The following ANKS1B variants were observed in gnomAD, a reference collection of about 807,000 sequenced individuals.
The protein encoded by ANKS1B is ankyrin repeat and sterile alpha motif domain-containing protein 1B.
ANKS1B carries 36 observed loss-of-function variants against 148.3 expected under a neutral mutation model. That is an observed-to-expected ratio of 0.24 (90% CI 0.19 to 0.32). The LOEUF (loss-of-function observed/expected upper bound fraction) is 0.32. Ranked by LOEUF, ANKS1B falls within the 10% of genes least tolerant of loss-of-function variation. ANKS1B has a pLI of 1.00. For synonymous variants in ANKS1B, 542 were observed against 560.8 expected, an observed-to-expected ratio of 0.97 and a Z score of 0.47; for missense variants, 1,157 against 1,542.6, an observed-to-expected ratio of 0.75 and a Z score of 4.19.
chr12:99,738,551 TCTGA>T (rs376783166), intron 8 of ANKS1B, among the ~76,000 whole-genome samples: 10 of 152,272 alleles, frequency 6.6e-5, no homozygotes, highest in Admixed American at 2.0e-4. Flanking sequence ...TCTAAATAAA[TCTGA>T]CTGACTTCTA....
intron 12 of ANKS1B, among the ~76,000 whole-genome samples, chr12:99,295,829 G>T (rs1193226511): frequency 1.3e-5 from 2 of 152,040 alleles, no homozygotes; most frequent in Admixed American, 1.3e-4. Context: ...TCATAATTTA[G>T]CTCCCACTTA....
At chr12:98,874,071 C>T (rs1174026608) in intron 17 of ANKS1B, among the ~76,000 whole-genome samples, 5 of 152,190 alleles carry the variant, frequency 3.3e-5, no homozygotes, top group Non-Finnish European at 5.9e-5. Context: ...ACTTTGACTA[C>T]TGTCCTCTAT....
At chr12:99,678,211 C>T (rs1343014020) in intron 8 of ANKS1B, among the ~76,000 whole-genome samples, 3 of 152,126 alleles carry the variant, frequency 2.0e-5, no homozygotes, top group Non-Finnish European at 4.4e-5. Context: ...AGCCCTAAGA[C>T]TATAGTTCTA....
chr12:99,896,577 G>C (rs1317071719), intron 1 of ANKS1B, among the ~76,000 whole-genome samples: 1 of 151,030 alleles, frequency 6.6e-6, no homozygotes, highest in Non-Finnish European at 1.5e-5. Context: ...AATATATAAA[G>C]AGCCATCTCT....
chr12:99,371,126 C>T (rs138892777), intron 12 of ANKS1B, among the ~76,000 whole-genome samples: 1 of 152,030 alleles, frequency 6.6e-6, no homozygotes, highest in East Asian at 1.9e-4. Context: ...GTCAAACTAC[C>T]CCTGCTTTTT....
At chr12:98,951,359 A>C (rs12307343) in intron 17 of ANKS1B, among the ~76,000 whole-genome samples, 1 of 152,068 alleles carries the variant, frequency 6.6e-6, no homozygotes, top group Non-Finnish European at 1.5e-5. Flanking sequence ...CAGTTTTCAT[A>C]GAACACTGCT....
chr12:99,273,776 G>A lies in ANKS1B; in HGVS notation c.1757-26912C>T, dbSNP rs547435161. Reference sequence around the variant, plus strand: ...TATTTTTTGTATTTTTAGTAGAGACGGAGTTTCACCATCTTGGCCAGGCTG... The same window carrying A: ...TATTTTTTGTATTTTTAGTAGAGACAGAGTTTCACCATCTTGGCCAGGCTG... On this transcript the variant is annotated intron_variant, in intron 12 of 26. Transcript: ENST00000683438. Among the ~76,000 whole-genome samples the A allele has an allele frequency of 8.1e-3, 1,232 of 151,310 alleles. 17 individuals carry two copies. The highest frequency in any genetic ancestry group is 0.028 in the African/African-American group (1,165 of 40,946).
At chr12:99,529,975 T>C (rs1164001686) in intron 9 of ANKS1B, among the ~76,000 whole-genome samples, 1 of 152,218 alleles carries the variant, frequency 6.6e-6, no homozygotes, top group Non-Finnish European at 1.5e-5. Context: ...ACTCTCTAAA[T>C]TATAGATAAG....
chr12:99,432,962 A>G (rs1324199967), intron 11 of ANKS1B, among the ~76,000 whole-genome samples: 1 of 152,188 alleles, frequency 6.6e-6, no homozygotes, highest in African/African-American at 2.4e-5. Context: ...ATGGGAAGAC[A>G]TTGGAAGGTT....
intron 12 of ANKS1B, among the ~76,000 whole-genome samples, chr12:99,320,223 A>T (rs2084977141): frequency 6.6e-6 from 1 of 152,100 alleles, no homozygotes; most frequent in South Asian, 2.1e-4. Context: ...TATCTCCTGA[A>T]TTTGAATGTT....
intron 17 of ANKS1B, among the ~76,000 whole-genome samples, chr12:98,898,661 A>G (rs1383664347): frequency 6.6e-6 from 1 of 152,174 alleles, no homozygotes; most frequent in Non-Finnish European, 1.5e-5. Flanking sequence ...GCTTAAAAAC[A>G]ATTTCCAATT....
intron 17 of ANKS1B, among the ~76,000 whole-genome samples, chr12:98,921,459 T>C (rs2099801325): frequency 6.6e-6 from 1 of 152,232 alleles, no homozygotes; most frequent in Admixed American, 6.5e-5. Flanking sequence ...CTACCTGATA[T>C]TAATCTTAAT....
intron 12 of ANKS1B, among the ~76,000 whole-genome samples, chr12:99,374,194 G>T (rs1021887959): frequency 2.0e-4 from 30 of 152,152 alleles, no homozygotes; most frequent in Non-Finnish European, 1.5e-5. Context: ...TGAATGGAAA[G>T]AATAGTACAG....
At position 99,978,942 on chromosome 12, in the gene ANKS1B, T is replaced by C. The variant is rs185268608; in HGVS notation, c.134+5162A>G. Among the ~76,000 whole-genome samples the C allele has an allele frequency of 4.1e-3, 617 of 152,326 alleles. 4 individuals carry two copies. Among genetic ancestry groups the C allele is most frequent in the Middle Eastern group, 0.014 (4 of 294 alleles). ...AAAATCAAATAAATTGAGGCATTAATAAAGTTTTATCACTGTATTAAAATA... is the reference window on the plus strand; with the variant it reads ...AAAATCAAATAAATTGAGGCATTAACAAAGTTTTATCACTGTATTAAAATA... On this transcript the variant is annotated intron_variant, in intron 1 of 26. Transcript: ENST00000683438.
At position 98,745,542 on chromosome 12, in the gene ANKS1B, C is replaced by A; in HGVS notation, c.*197G>T. 1 of 1,355,312 alleles carries A rather than the reference C, an allele frequency of 7.4e-7. No individual in the cohort carries two copies. Among genetic ancestry groups the A allele is most frequent in the South Asian group, 1.6e-5 (1 of 60,928 alleles). The allele number at this position is 1,355,312 out of a possible 1,614,324, so 84.0% of individuals were successfully genotyped here. On this transcript the variant is annotated 3_prime_UTR_variant, in exon 27 of 27. Transcript: ENST00000683438. ...AACTCACGCCTCTCAGGGGTTGCGA[C>A]TGGAAAGTCTTGCGTTTTCCATCAC... is the stretch of plus-strand genomic sequence containing the variant.
At chr12:99,055,611 G>A (rs748188624) in intron 16 of ANKS1B, among the ~76,000 whole-genome samples, 5 of 151,952 alleles carry the variant, frequency 3.3e-5, no homozygotes, top group African/African-American at 1.2e-4. Context: ...GAAAATCTAG[G>A]TAAGTACAAA....
chr12:99,054,578 GCCC>G (rs1215995701), intron 16 of ANKS1B, among the ~76,000 whole-genome samples: 2 of 151,874 alleles, frequency 1.3e-5, no homozygotes, highest in African/African-American at 4.8e-5. Flanking sequence ...TTGCTCTATT[GCCC>G]AGGCTGGAGT....
chr12:99,508,659 A>G (rs1458059645), intron 9 of ANKS1B, among the ~76,000 whole-genome samples: 3 of 151,806 alleles, frequency 2.0e-5, no homozygotes, highest in Non-Finnish European at 4.4e-5. Context: ...GGCCAATCCT[A>G]TCATATTGAA....
chr12:98,783,522 A>C (rs1363041874), intron 22 of ANKS1B, among the ~76,000 whole-genome samples: 1 of 152,240 alleles, frequency 6.6e-6, no homozygotes, highest in African/African-American at 2.4e-5. Flanking sequence ...GTGAATAAAA[A>C]CAGCCTTATT....
Sources: gnomAD v4.1 joint callset for allele counts (sites outside exome capture counted in the v4.1 genomes callset) on GRCh38, gnomAD v4.1.1 for gene constraint, MANE v1.5 for transcripts, NCBI Gene and HGNC (gene_info 2026-07-23, HGNC 2026-07-21) for gene names.